MS4A4E: variants seen among roughly 807,000 people sequenced by gnomAD.
MS4A4E encodes the protein membrane spanning 4-domains A4E, also known as putative membrane-spanning 4-domains subfamily A member 4E.
In MS4A4E, 23 loss-of-function variants were observed where a neutral mutation model predicts 13.3. That is an observed-to-expected ratio of 1.73 (90% CI 1.25 to 2.45). The LOEUF (loss-of-function observed/expected upper bound fraction) is 2.45. MS4A4E is among the 30% of genes most tolerant of loss of function. The pLI is 0.00. For synonymous variants in MS4A4E, 36 were observed against 45.6 expected, an observed-to-expected ratio of 0.79 and a Z score of 0.85; for missense variants, 144 against 131.2, an observed-to-expected ratio of 1.10 and a Z score of -0.48.
At chr11:60,225,102 G>T in intron 3 of MS4A4E, 6 of 1,514,810 alleles carry the variant, frequency 4.0e-6, no homozygotes, top group Non-Finnish European at 5.3e-6. Flanking sequence ...ACCTAGAAAT[G>T]ATGAAAGCAA....
intron 3 of MS4A4E, among the ~76,000 whole-genome samples, chr11:60,216,894 C>A (rs73485303): frequency 6.6e-6 from 1 of 152,112 alleles, no homozygotes; most frequent in Non-Finnish European, 1.5e-5. Context: ...GTCTTCTGGT[C>A]TTAATAAACT....
rs748015162 is a variant in MS4A4E, at chr11:60,210,055, C to T, written c.382-1361G>A. Among the ~76,000 whole-genome samples the T allele has an allele frequency of 5.9e-5, 9 of 152,150 alleles. No individual in the cohort carries two copies. The South Asian group carries it at 6.2e-4, about 11-fold the overall frequency. On this transcript the variant is annotated intron_variant, in intron 5 of 8. Transcript: ENST00000651255. ...GTAGACTAGAAGATGGCAAGCTTTC[C>T]GTAAAGGCCAGATAATGTACATTTT... is the stretch of plus-strand genomic sequence containing the variant.
At chr11:60,205,952 GAAGAA>G (rs1361707153) in intron 6 of MS4A4E, among the ~76,000 whole-genome samples, 132 bp from the exon 7 acceptor site, 1 of 152,136 alleles carries the variant, frequency 6.6e-6, no homozygotes, top group East Asian at 1.9e-4. Context: ...GAAGGGAGAG[GAAGAA>G]GAAAAAATAG....
At chr11:60,221,736 G>A (rs2084272743) in intron 3 of MS4A4E, among the ~76,000 whole-genome samples, 1 of 152,200 alleles carries the variant, frequency 6.6e-6, no homozygotes, top group African/African-American at 2.4e-5. Flanking sequence ...AAGCATGATA[G>A]GAAAATTGGT....
At chr11:60,234,778 C>T (rs1045451911) in intron 1 of MS4A4E, among the ~76,000 whole-genome samples, 1 of 90,926 alleles carries the variant, frequency 1.1e-5, no homozygotes, top group Non-Finnish European at 2.3e-5. Flanking sequence ...ACAAAAACAA[C>T]CCCCCCCCCC....
rs372584452 is a variant in MS4A4E, at chr11:60,213,676, T to C, written c.223-544A>G. 2.4e-4 allele frequency among the ~76,000 whole-genome samples: 36 copies of C among 152,298 alleles called. No individual in the cohort carries two copies. The South Asian group carries it at 6.6e-3, about 28-fold the overall frequency. On this transcript the variant is annotated intron_variant, in intron 4 of 8. Coordinates refer to ENST00000651255, the MANE Select transcript of MS4A4E (RefSeq NM_001393391.1). ...TTAGGCCAGATTTGGAAAACCGATA[T>C]TGATCATGCTCCAGAGTTTGATATT...
At chr11:60,234,868 A>G (rs2134969903) in intron 1 of MS4A4E, among the ~76,000 whole-genome samples, 1 of 138,900 alleles carries the variant, frequency 7.2e-6, no homozygotes, top group South Asian at 2.7e-4. Flanking sequence ...CTTCAATCAC[A>G]GAGTGGCTGA....
rs1203182939 is a variant in MS4A4E at position 60,201,120 on chromosome 11, C to A, written c.*423G>T. ...GGCGGCTGGCCGGGCGGGGTCTGACCCCCCCACCTCCCTCCCGGACGGAGC... is the reference window on the plus strand; with the variant it reads ...GGCGGCTGGCCGGGCGGGGTCTGACACCCCCACCTCCCTCCCGGACGGAGC... On this transcript the variant is annotated 3_prime_UTR_variant, in exon 9 of 9. Transcript: ENST00000651255. 1 of 147,948 alleles carries A rather than the reference C, an allele frequency of 6.8e-6. No individual in the cohort carries two copies. Among genetic ancestry groups the A allele is most frequent in the African/African-American group, 2.6e-5 (1 of 39,094 alleles). The allele number at this position is 147,948 out of a possible 1,614,324, so 9.2% of individuals were successfully genotyped here.
intron 4 of MS4A4E, among the ~76,000 whole-genome samples, chr11:60,214,354 G>T (rs2084163028): frequency 6.6e-6 from 1 of 152,072 alleles, no homozygotes. Context: ...TCTTCATAAA[G>T]ATTCCCTCAT....
In MS4A4E at chr11:60,204,528, C is replaced by G. The variant is rs533608642; in HGVS notation, c.659+362G>C. On this transcript the variant is annotated intron_variant, in intron 8 of 8. Coordinates refer to ENST00000651255, the MANE Select transcript of MS4A4E (RefSeq NM_001393391.1). ...ACTCTCATCATTTTCACTTCACTGTCTAAGAAATGATCTCCCTCTCTTTCC... is the reference window on the plus strand; with the variant it reads ...ACTCTCATCATTTTCACTTCACTGTGTAAGAAATGATCTCCCTCTCTTTCC... 3.5e-4 allele frequency among the ~76,000 whole-genome samples: 54 copies of G among 152,312 alleles called. 2 individuals carry two copies. In the South Asian group the frequency reaches 9.3e-3, roughly 26 times the overall value.
At chr11:60,240,270 G>A (rs1012237209) in intron 1 of MS4A4E, among the ~76,000 whole-genome samples, 6 of 152,308 alleles carry the variant, frequency 3.9e-5, no homozygotes, top group South Asian at 2.1e-4. Context: ...GATACCTTCC[G>A]TTACATACCT....
chr11:60,220,553 T>A (rs1162028222), intron 3 of MS4A4E, among the ~76,000 whole-genome samples: 1 of 152,206 alleles, frequency 6.6e-6, no homozygotes, highest in Non-Finnish European at 1.5e-5. Flanking sequence ...AATATCACAC[T>A]GGTCCATTAT....
chr11:60,220,874 T>C (rs2084261844), intron 3 of MS4A4E, among the ~76,000 whole-genome samples: 1 of 152,170 alleles, frequency 6.6e-6, no homozygotes, highest in Admixed American at 6.6e-5. Context: ...GGCCCATTAA[T>C]CAAGAGACCT....
In MS4A4E at chr11:60,234,786, C is replaced by G. The variant is rs12225629; in HGVS notation, c.-16-4715G>C. 5.1e-4 allele frequency among the ~76,000 whole-genome samples: 73 copies of G among 143,566 alleles called. No individual in the cohort carries two copies. The South Asian group carries it at 0.016, about 32-fold the overall frequency. 94.2% of individuals were successfully genotyped at this position (143,566 alleles called of 152,430 possible). On this transcript the variant is annotated intron_variant, in intron 1 of 8. Coordinates refer to ENST00000651255, the MANE Select transcript of MS4A4E (RefSeq NM_001393391.1). ...AATATCTACAAAAACAACCCCCCCC[C>G]CCAAAATAACAAAATGGCACTACTA...
chr11:60,206,472 CACAT>C (rs2084043770), intron 6 of MS4A4E, among the ~76,000 whole-genome samples: 1 of 2,902 alleles, frequency 3.4e-4, no homozygotes, highest in Non-Finnish European at 1.1e-3. Context: ...TACACACACA[CACAT>C]ATATATATAT....
intron 1 of MS4A4E, among the ~76,000 whole-genome samples, chr11:60,242,384 G>A (rs2084562552): frequency 6.6e-6 from 1 of 152,152 alleles, no homozygotes; most frequent in Admixed American, 6.5e-5. Context: ...TTTATCATGA[G>A]CAGCCTCAGT....
In MS4A4E at chr11:60,221,881, C is replaced by G. The variant is rs540926034; in HGVS notation, c.178+6713G>C. Among the ~76,000 whole-genome samples, 9 of 152,284 alleles carry G rather than the reference C, an allele frequency of 5.9e-5. No homozygotes were observed. The South Asian group carries it at 1.9e-3, about 32-fold the overall frequency. On this transcript the variant is annotated intron_variant, in intron 3 of 8. Transcript: ENST00000651255. ...AGGAGGATTTTAATAATCAAGTAAA[C>G]AGGATGACTCATTCTATGGACACCA...
intron 4 of MS4A4E, chr11:60,213,410 G>A (rs1009628288): frequency 3.9e-6 from 4 of 1,017,934 alleles, no homozygotes; most frequent in Non-Finnish European, 5.7e-6. Context: ...GGACAGTCAT[G>A]TCTGTGTCCT....
chr11:60,235,803 C>G (rs534915730), intron 1 of MS4A4E, among the ~76,000 whole-genome samples: 1 of 152,180 alleles, frequency 6.6e-6, no homozygotes, highest in Non-Finnish European at 1.5e-5. Context: ...TTTATTTTAT[C>G]TCTTTGCTCT....
Sources: gnomAD v4.1 joint callset for allele counts (sites outside exome capture counted in the v4.1 genomes callset) on GRCh38, gnomAD v4.1.1 for gene constraint, MANE v1.5 for transcripts, NCBI Gene and HGNC (gene_info 2026-07-23, HGNC 2026-07-21) for gene names.